The following CASZ1 variants were observed in gnomAD, a reference collection of about 807,000 sequenced individuals.
CASZ1 encodes the protein castor zinc finger 1.
A neutral mutation model predicts 135.2 loss-of-function variants in CASZ1; 28 were observed. The observed-to-expected ratio is 0.21, with a 90% CI of 0.15 to 0.28. The LOEUF (loss-of-function observed/expected upper bound fraction) is 0.28, where lower values mean the gene tolerates loss of function less well. Ranked by LOEUF, CASZ1 falls within the 10% of genes least tolerant of loss-of-function variation. CASZ1 has a pLI of 1.00. For missense variants in CASZ1, 2,161 were observed against 2,453.3 expected (o/e 0.88, Z 2.52); for synonymous variants, 1,068 against 1,073.4 (o/e 0.99, Z 0.10).
Position 10,783,271 on chromosome 1 carries a change from GTGTGTGTA to G in CASZ1, c.-234+13285_-234+13292del, listed in dbSNP as rs918594197. Reference sequence around the variant, plus strand: ...AGTGTGTGTGTGTGTGTGTGTGTGTGTGTGTGTATGTGTGTGTACATGTGCACATGGGC... The same window carrying G: ...AGTGTGTGTGTGTGTGTGTGTGTGTGTGTGTGTGTACATGTGCACATGGGC... On this transcript the variant is annotated intron_variant, in intron 1 of 20. Coordinates refer to ENST00000377022, the MANE Select transcript of CASZ1 (RefSeq NM_001079843.3). 7.2e-5 allele frequency among the ~76,000 whole-genome samples: 11 copies of G among 151,796 alleles called. 1 individual carries two copies. The highest frequency in any genetic ancestry group is 2.1e-4 in the South Asian group (1 of 4,786).
chr1:10,639,274 C>G lies in CASZ1; in HGVS notation c.4948G>C (p.Gly1650Arg). ...CCGGGGGCGGCGGCGTCGGGCGGGC[C>G]GGGGTCGCCCGCGTCGCCCAGCGCC... is the stretch of plus-strand genomic sequence containing the variant. ...GLALGDAGDP[G>R]PPDAAAPGPR... Residue 1650 changes from glycine to arginine, a missense_variant, in exon 21 of 21, where the codon GGC becomes CGC. Coordinates refer to ENST00000377022, the MANE Select transcript of CASZ1 (RefSeq NM_001079843.3). This position sits in a 1 kb window ranked among gnomAD's most constrained non-coding sequence, Gnocchi z 4.0. The G allele has an allele frequency of 3.7e-6, 4 of 1,087,720 alleles. No individual in the cohort carries two copies. The highest frequency in any genetic ancestry group is 4.5e-6 in the Non-Finnish European group (4 of 891,446). 67.4% of individuals were successfully genotyped at this position (1,087,720 alleles called of 1,614,324 possible). A position where few individuals can be genotyped will look rare whatever the true frequency, so the allele number is the denominator to read the frequency against.
chr1:10,648,216 C>A, intron 15 of CASZ1, 77 bp from the exon 16 acceptor site: 3 of 1,050,692 alleles, frequency 2.9e-6, no homozygotes, highest in Non-Finnish European at 4.1e-6. Context: ...GACCCCATCA[C>A]AGGCCTAGAC....
chr1:10,691,414 T>C (rs1638764302), intron 4 of CASZ1, among the ~76,000 whole-genome samples: 1 of 152,196 alleles, frequency 6.6e-6, no homozygotes, highest in African/African-American at 2.4e-5. Context: ...CTCCCACCAC[T>C]GACTTCCTCA....
chr1:10,695,059 G>T (rs1434068384), intron 3 of CASZ1, among the ~76,000 whole-genome samples: 1 of 151,132 alleles, frequency 6.6e-6, no homozygotes, highest in Non-Finnish European at 1.5e-5. Context: ...CAGGCCGCGC[G>T]CTTCCCTGCT....
rs1443024550 is a variant in CASZ1 at position 10,700,078 on chromosome 1, G to GACACACACACACACACACAC, written c.-24+5413_-24+5414insGTGTGTGTGTGTGTGTGTGT. 4.2e-3 allele frequency among the ~76,000 whole-genome samples: 311 copies of GACACACACACACACACACAC among 74,150 alleles called. 3 individuals are homozygous for GACACACACACACACACACAC. The highest frequency in any genetic ancestry group is 0.015 in the African/African-American group (258 of 17,168). The allele number at this position is 74,150 out of a possible 152,430, so 48.6% of individuals were successfully genotyped here. ...AGAGACAGAGAGAGAAAGAGAGATA[G>GACACACACACACACACACAC]AGACACACACACACACACACACACA... On this transcript the variant is annotated intron_variant, in intron 3 of 20. Transcript: ENST00000377022. The surrounding 1 kb of genome is among the most constrained non-coding windows in gnomAD (Gnocchi z 4.2).
Position 10,788,646 on chromosome 1 carries a change from G to A in CASZ1, c.-234+7918C>T, listed in dbSNP as rs911127845. Among the ~76,000 whole-genome samples the A allele has an allele frequency of 6.6e-6, 1 of 152,174 alleles. No homozygotes were observed. Among genetic ancestry groups the A allele is most frequent in the Non-Finnish European group, 1.5e-5 (1 of 68,022 alleles). ...CCAGGTGGCCAAGGATGGAACAGGCGGAGACCACAGGCAGGACTCCAGTCG... is the reference window on the plus strand; with the variant it reads ...CCAGGTGGCCAAGGATGGAACAGGCAGAGACCACAGGCAGGACTCCAGTCG... On this transcript the variant is annotated intron_variant, in intron 1 of 20. Transcript: ENST00000377022. The surrounding 1 kb of genome is among the most constrained non-coding windows in gnomAD (Gnocchi z 4.1).
At position 10,759,481 on chromosome 1, in the gene CASZ1, G is replaced by A. The variant is rs1186671466; in HGVS notation, c.-77+1220C>T. ...CTTCTGCACACCAGGAAGAAGAGTC[G>A]CAGCCACACAGTTGCCCCACCACAG... On this transcript the variant is annotated intron_variant, in intron 2 of 20. Coordinates refer to ENST00000377022, the MANE Select transcript of CASZ1 (RefSeq NM_001079843.3). This position sits in a 1 kb window ranked among gnomAD's most constrained non-coding sequence, Gnocchi z 4.2. Among the ~76,000 whole-genome samples the A allele has an allele frequency of 1.3e-5, 2 of 152,074 alleles. No homozygotes were observed. The highest frequency in any genetic ancestry group is 4.8e-5 in the African/African-American group (2 of 41,366).
In CASZ1 at chr1:10,639,727, G is replaced by A; in HGVS notation, c.4495C>T (p.Leu1499Phe). ...GGGCAGTCGGCGAAGTGGCAGCTGA[G>A]TGAGGCCTTGAAGCGCTTGAAGTCG... ...LDDFKRFKAS[L>F]SCHFADCPFS... Residue 1499 changes from leucine (L) to phenylalanine (F), a missense_variant, in exon 21 of 21, where the codon CTC becomes TTC. Leu to Phe is a conservative substitution (Grantham distance 22, BLOSUM62 0). This residue lies in a region of CASZ1 where 240 missense variants were observed against 321.4 expected (regional missense o/e 0.75). Transcript: ENST00000377022. The surrounding 1 kb of genome is among the most constrained non-coding windows in gnomAD (Gnocchi z 4.0). 6.3e-7 allele frequency: 1 copy of A among 1,593,030 alleles called. No homozygotes were observed. The highest frequency in any genetic ancestry group is 8.5e-7 in the Non-Finnish European group (1 of 1,170,740).
chr1:10,781,947 T>C (rs577226828), intron 1 of CASZ1, among the ~76,000 whole-genome samples: 6 of 152,300 alleles, frequency 3.9e-5, no homozygotes, highest in Admixed American at 1.3e-4. Context: ...CCTCCCAGCA[T>C]AGCTCCCCAA....
chr1:10,760,158 G>A (rs2235699), intron 2 of CASZ1, among the ~76,000 whole-genome samples: 77,801 of 152,118 alleles, frequency 0.51, 24,366 homozygotes, highest in Non-Finnish European at 0.71. Flanking sequence ...TATTTGGGCC[G>A]GAGGACCACT....
chr1:10,780,657 G>A (rs543554385), intron 1 of CASZ1, among the ~76,000 whole-genome samples: 1 of 152,240 alleles, frequency 6.6e-6, no homozygotes, highest in East Asian at 1.9e-4. Context: ...TTAAGTTAGG[G>A]GTGCATTTTT....
At position 10,747,455 on chromosome 1, in the gene CASZ1, G is replaced by A. The variant is rs1222596771; in HGVS notation, c.-77+13246C>T. Among the ~76,000 whole-genome samples the A allele has an allele frequency of 6.6e-6, 1 of 152,186 alleles. No homozygotes were observed. Among genetic ancestry groups the A allele is most frequent in the African/African-American group, 2.4e-5 (1 of 41,448 alleles). On this transcript the variant is annotated intron_variant, in intron 2 of 20. Transcript: ENST00000377022. This position sits in a 1 kb window ranked among gnomAD's most constrained non-coding sequence, Gnocchi z 4.3. ...GCCAGGTCCCAGCGGCAGATGAAAG[G>A]CGTTCCACCCAGATGTCAGGGAAGA...
At chr1:10,761,366 TAA>T (rs922911504) in intron 1 of CASZ1, among the ~76,000 whole-genome samples, 1 of 152,214 alleles carries the variant, frequency 6.6e-6, no homozygotes, top group African/African-American at 2.4e-5. Flanking sequence ...GGAGCCTCTA[TAA>T]AAGGAATCAA....
At chr1:10,789,504 C>T (rs200735248) in intron 1 of CASZ1, among the ~76,000 whole-genome samples, 1 of 151,816 alleles carries the variant, frequency 6.6e-6, no homozygotes, top group Non-Finnish European at 1.5e-5. Context: ...TAATGAGTTC[C>T]GAAGGAGCGA....
Position 10,648,072 on chromosome 1 carries a change from C to A in CASZ1, c.3226G>T (p.Ala1076Ser). 6.3e-7 allele frequency: 1 copy of A among 1,585,198 alleles called. No homozygotes were observed. The highest frequency in any genetic ancestry group is 8.6e-7 in the Non-Finnish European group (1 of 1,166,410). Residue 1076 changes from alanine to serine, a missense_variant, in exon 16 of 21, where the codon GCC becomes TCC. Ala to Ser is a moderately conservative substitution (Grantham distance 99). Transcript: ENST00000377022. ...GGGGCCATGGGAGGTTTGGTCTCGG[C>A]GGCCGAGGCCGGAAAGGCAGCCTCT... is the stretch of plus-strand genomic sequence containing the variant. ...NTEAAFPASA[A>S]ETKPPMAPSS...
Position 10,774,212 on chromosome 1 carries a change from T to G in CASZ1, c.-233-13355A>C, listed in dbSNP as rs533587930. Among the ~76,000 whole-genome samples the G allele has an allele frequency of 6.6e-6, 1 of 152,288 alleles. No individual in the cohort carries two copies. Among genetic ancestry groups the G allele is most frequent in the African/African-American group, 2.4e-5 (1 of 41,576 alleles). On this transcript the variant is annotated intron_variant, in intron 1 of 20. Coordinates refer to ENST00000377022, the MANE Select transcript of CASZ1 (RefSeq NM_001079843.3). This position sits in a 1 kb window ranked among gnomAD's most constrained non-coding sequence, Gnocchi z 4.4. ...TCCACCCGGAGTGCACCCTCCCACC[T>G]GACACCGTCGCTAAATCCTTGGATA...
chr1:10,687,049 C>T (rs796238997), intron 4 of CASZ1, among the ~76,000 whole-genome samples: 7 of 152,288 alleles, frequency 4.6e-5, no homozygotes, highest in African/African-American at 1.7e-4. Context: ...GAGGCACTTC[C>T]CGGTGACAAA....
At chr1:10,692,033 T>C (rs1449324462) in intron 4 of CASZ1, among the ~76,000 whole-genome samples, 1 of 152,134 alleles carries the variant, frequency 6.6e-6, no homozygotes, top group Non-Finnish European at 1.5e-5. Context: ...CCAGAGCCTG[T>C]CCCTGGAGTG....
intron 6 of CASZ1, among the ~76,000 whole-genome samples, chr1:10,659,458 C>T (rs1017496519): frequency 4.6e-5 from 7 of 152,016 alleles, no homozygotes; most frequent in African/African-American, 1.2e-4. Flanking sequence ...AGCGGGGGGG[C>T]GCTGCAGGAG....
Sources: gnomAD v4.1 joint callset for allele counts (sites outside exome capture counted in the v4.1 genomes callset) on GRCh38, gnomAD v4.1.1 for gene constraint, gnomAD v4.1.1 regional missense constraint, Gnocchi (gnomAD v3.1) non-coding constraint, MANE v1.5 for transcripts, NCBI Gene and HGNC (gene_info 2026-07-23, HGNC 2026-07-21) for gene names.